LINGO2: variants seen among roughly 807,000 people sequenced by gnomAD.
LINGO2 encodes the protein leucine-rich repeat and immunoglobulin-like domain-containing nogo receptor-interacting protein 2.
LINGO2 carries 14 observed loss-of-function variants against 30.6 expected under a neutral mutation model. The observed-to-expected ratio is 0.46, with a 90% CI of 0.30 to 0.72. LINGO2 has a LOEUF of 0.72. Ranked by LOEUF, LINGO2 falls within the 30% of genes least tolerant of loss-of-function variation. The probability of loss-of-function intolerance (pLI) is 0.07; values close to 1 mark genes in which losing one functional copy is unlikely to be tolerated. For synonymous variants in LINGO2, 317 were observed against 288.5 expected (o/e 1.10, Z -1.00); for missense variants, 729 against 751.7 (o/e 0.97, Z 0.35).
chr9:29,092,668 AATTTT>A, the LINGO2 span, among the ~76,000 whole-genome samples: 8 of 138,862 alleles, frequency 5.8e-5, 2 homozygotes, highest in Non-Finnish European at 7.8e-5. Context: ...GTGACTCTAG[AATTTT>A]CTTAACAAAG....
chr9:28,274,324 C>T (rs915388033), intron 4 of LINGO2, among the ~76,000 whole-genome samples: 9 of 152,058 alleles, frequency 5.9e-5, no homozygotes, highest in African/African-American at 2.2e-4. Flanking sequence ...TAACCCAGGT[C>T]CACTTATGAG....
intron 4 of LINGO2, among the ~76,000 whole-genome samples, chr9:28,071,160 T>G (rs541517936): frequency 2.0e-5 from 3 of 152,310 alleles, no homozygotes; most frequent in African/African-American, 7.2e-5. Flanking sequence ...TATTCCTCCC[T>G]TTTTCAGGCA....
chr9:29,175,747 G>A, the LINGO2 span, among the ~76,000 whole-genome samples: 680 of 151,878 alleles, frequency 4.5e-3, 3 homozygotes, highest in Non-Finnish European at 7.5e-3. Context: ...GGATGGTCTC[G>A]ATCTCCTGAC....
chr9:28,549,929 T>G (rs1307364767), intron 1 of LINGO2, among the ~76,000 whole-genome samples: 2 of 151,916 alleles, frequency 1.3e-5, no homozygotes, highest in African/African-American at 4.8e-5. Flanking sequence ...TTGACATTTC[T>G]TTTCTGTTAG....
At chr9:28,807,105 A>G in the LINGO2 span, among the ~76,000 whole-genome samples, 1 of 151,888 alleles carries the variant, frequency 6.6e-6, no homozygotes, top group Non-Finnish European at 1.5e-5. Context: ...GCTCACTGCA[A>G]GCTCCGCCTC....
chr9:28,331,563 T>C (rs1048671978), intron 3 of LINGO2, among the ~76,000 whole-genome samples: 8 of 152,200 alleles, frequency 5.3e-5, no homozygotes, highest in African/African-American at 1.9e-4. Context: ...TACAGTGCAA[T>C]GGCCTGATCA....
At chr9:28,539,477 C>T (rs1821582621) in intron 1 of LINGO2, among the ~76,000 whole-genome samples, 1 of 151,878 alleles carries the variant, frequency 6.6e-6, no homozygotes, top group Non-Finnish European at 1.5e-5. Context: ...TGTGTGCACA[C>T]ACACACATGA....
intron 5 of LINGO2, among the ~76,000 whole-genome samples, chr9:27,985,885 G>T (rs142775663): frequency 6.6e-6 from 1 of 151,754 alleles, no homozygotes; most frequent in South Asian, 2.1e-4. Context: ...AAAATCAAAC[G>T]GAACTTGTTA....
chr9:28,669,730 C>G (rs1244865341), intron 1 of LINGO2, among the ~76,000 whole-genome samples: 3 of 151,966 alleles, frequency 2.0e-5, no homozygotes, highest in African/African-American at 7.2e-5. Flanking sequence ...AGAAAAGGAA[C>G]TCAGCTTTCA....
At chr9:28,128,667 C>T (rs1419376048) in intron 4 of LINGO2, among the ~76,000 whole-genome samples, 1 of 152,202 alleles carries the variant, frequency 6.6e-6, no homozygotes, top group African/African-American at 2.4e-5. Context: ...TTGGACTCAA[C>T]TTCTCTACGG....
the LINGO2 span, among the ~76,000 whole-genome samples, chr9:29,184,524 T>A: frequency 2.0e-5 from 3 of 152,134 alleles, no homozygotes; most frequent in Non-Finnish European, 2.9e-5. Flanking sequence ...CACGAGACAA[T>A]TTCAGAATAT....
chr9:28,783,361 A>G, the LINGO2 span, among the ~76,000 whole-genome samples: 1 of 152,168 alleles, frequency 6.6e-6, no homozygotes, highest in Non-Finnish European at 1.5e-5. Flanking sequence ...CTAATACAAT[A>G]TAAATGCTGT....
At chr9:28,798,526 G>T in the LINGO2 span, among the ~76,000 whole-genome samples, 1 of 152,098 alleles carries the variant, frequency 6.6e-6, no homozygotes, top group Admixed American at 6.6e-5. Flanking sequence ...ATTAAAATAG[G>T]ATTTCAGGCC....
intron 4 of LINGO2, among the ~76,000 whole-genome samples, chr9:28,122,959 A>G (rs2133405449): frequency 6.6e-6 from 1 of 152,296 alleles, no homozygotes; most frequent in East Asian, 1.9e-4. Flanking sequence ...TATATTTATG[A>G]TATCTAAATT....
the LINGO2 span, among the ~76,000 whole-genome samples, chr9:29,079,539 T>C: frequency 2.6e-5 from 4 of 152,016 alleles, no homozygotes; most frequent in African/African-American, 9.7e-5. Flanking sequence ...CATACTAGCT[T>C]ACCTAAAGTA....
chr9:28,085,522 G>A (rs563599490), intron 4 of LINGO2, among the ~76,000 whole-genome samples: 1 of 152,224 alleles, frequency 6.6e-6, no homozygotes, highest in African/African-American at 2.4e-5. Context: ...CATGTCTGGT[G>A]TATCAGAAAA....
intron 2 of LINGO2, among the ~76,000 whole-genome samples, chr9:28,439,186 A>C (rs1448795273): frequency 6.7e-6 from 1 of 149,814 alleles, no homozygotes; most frequent in Non-Finnish European, 1.5e-5. Context: ...ATAATGAAAT[A>C]TAGATATCTA....
intron 4 of LINGO2, among the ~76,000 whole-genome samples, chr9:28,032,368 G>A (rs183849923): frequency 6.6e-5 from 10 of 152,264 alleles, no homozygotes; most frequent in Admixed American, 6.5e-4. Flanking sequence ...TAGGAATGCT[G>A]ATCACAGATG....
intron 1 of LINGO2, among the ~76,000 whole-genome samples, chr9:28,529,367 G>A (rs1019299149): frequency 1.3e-5 from 2 of 152,052 alleles, no homozygotes; most frequent in Non-Finnish European, 2.9e-5. Flanking sequence ...AAATGGTTTT[G>A]CATTTTAAAT....
Sources: gnomAD v4.1 joint callset for allele counts (sites outside exome capture counted in the v4.1 genomes callset) on GRCh38, gnomAD v4.1.1 for gene constraint, MANE v1.5 for transcripts, NCBI Gene and HGNC (gene_info 2026-07-23, HGNC 2026-07-21) for gene names.